AFF3: variants seen among roughly 807,000 people sequenced by gnomAD.
AFF3 encodes ALF transcription elongation factor 3, also known as AF4/FMR2 family member 3.
A neutral mutation model predicts 129.7 loss-of-function variants in AFF3; 32 were observed. The ratio of observed to expected loss-of-function variants is 0.25; its 90% confidence interval spans 0.19 to 0.33. The LOEUF is 0.33. AFF3 is among the 10% of genes least tolerant of loss of function. The pLI is 1.00. For synonymous variants in AFF3, 644 were observed against 635.4 expected, an observed-to-expected ratio of 1.01 and a Z score of -0.20; for missense variants, 1,373 against 1,592.0, an observed-to-expected ratio of 0.86 and a Z score of 2.34.
At chr2:99,596,417 A>G (rs995257703) in intron 14 of AFF3, among the ~76,000 whole-genome samples, 2 of 152,174 alleles carry the variant, frequency 1.3e-5, no homozygotes, top group Non-Finnish European at 2.9e-5. Flanking sequence ...GCAAAAATCA[A>G]TGGCTTCTAA....
At chr2:99,840,801 A>G (rs544185423) in intron 7 of AFF3, among the ~76,000 whole-genome samples, 1 of 152,262 alleles carries the variant, frequency 6.6e-6, no homozygotes, top group African/African-American at 2.4e-5. Context: ...TTATATAGGA[A>G]AGTCTCAGTC....
chr2:99,592,260 G>C (rs1487764115), intron 15 of AFF3, among the ~76,000 whole-genome samples: 1 of 152,108 alleles, frequency 6.6e-6, no homozygotes, highest in Non-Finnish European at 1.5e-5. Flanking sequence ...TCACTCCCTG[G>C]ACTCACCGCT....
At chr2:100,003,833 G>T (rs1681681200) in intron 7 of AFF3, among the ~76,000 whole-genome samples, 1 of 152,112 alleles carries the variant, frequency 6.6e-6, no homozygotes, top group African/African-American at 2.4e-5. Context: ...GGTGATGAAG[G>T]TGAGGGAATT....
intron 8 of AFF3, among the ~76,000 whole-genome samples, chr2:99,810,625 T>G (rs771264080): frequency 3.3e-5 from 5 of 150,816 alleles, no homozygotes; most frequent in Non-Finnish European, 7.3e-5. Flanking sequence ...TCTATCCACT[T>G]TAGTTCAAGT....
chr2:99,762,527 C>T (rs1682702078), intron 8 of AFF3, among the ~76,000 whole-genome samples: 1 of 152,198 alleles, frequency 6.6e-6, no homozygotes, highest in South Asian at 2.1e-4. Context: ...AGATTACAAA[C>T]TCTTCGAGGG....
At chr2:99,566,818 C>G (rs1676011838) in intron 19 of AFF3, among the ~76,000 whole-genome samples, 1 of 152,046 alleles carries the variant, frequency 6.6e-6, no homozygotes, top group South Asian at 2.1e-4. Context: ...AAATACTATT[C>G]CAAGTCTTGC....
intron 14 of AFF3, among the ~76,000 whole-genome samples, chr2:99,601,099 A>G (rs756947381): frequency 3.3e-5 from 5 of 152,182 alleles, no homozygotes; most frequent in Admixed American, 1.3e-4. Flanking sequence ...CTGTCCAGCG[A>G]CTGCCCTGGC....
intron 8 of AFF3, among the ~76,000 whole-genome samples, chr2:99,764,872 A>G (rs532685844): frequency 6.6e-6 from 1 of 152,142 alleles, no homozygotes; most frequent in Non-Finnish European, 1.5e-5. Flanking sequence ...CATGATGAGA[A>G]GCAATAATTG....
chr2:99,674,937 CAT>C (rs1421417819), intron 11 of AFF3, among the ~76,000 whole-genome samples: 1 of 152,206 alleles, frequency 6.6e-6, no homozygotes, highest in Admixed American at 6.5e-5. Flanking sequence ...TTATTTCAAA[CAT>C]GTGCTAAACG....
chr2:99,588,240 G>C (rs936457742), intron 15 of AFF3, among the ~76,000 whole-genome samples: 3 of 152,014 alleles, frequency 2.0e-5, no homozygotes, highest in Admixed American at 6.6e-5. Context: ...GCAGTGGTGC[G>C]ATCATGGCTC....
At chr2:99,605,649 C>T (rs183266786) in intron 13 of AFF3, among the ~76,000 whole-genome samples, 26 of 152,272 alleles carry the variant, frequency 1.7e-4, no homozygotes, top group East Asian at 5.8e-4. Flanking sequence ...TCCCTGCAGA[C>T]GAGTGCTAGT....
chr2:99,979,532 G>A (rs866862015), intron 7 of AFF3, among the ~76,000 whole-genome samples: 1 of 151,576 alleles, frequency 6.6e-6, no homozygotes, highest in African/African-American at 2.4e-5. Context: ...AGGCTGGAGT[G>A]CAGTGGTATA....
At chr2:100,034,533 CTT>C (rs576482125) in intron 4 of AFF3, among the ~76,000 whole-genome samples, 3 of 146,080 alleles carry the variant, frequency 2.1e-5, no homozygotes, top group African/African-American at 2.5e-5. Context: ...CTAATTTTCC[CTT>C]TTTTTTTTTA....
At chr2:99,861,307 C>T (rs1690982738) in intron 7 of AFF3, among the ~76,000 whole-genome samples, 1 of 152,156 alleles carries the variant, frequency 6.6e-6, no homozygotes, top group Non-Finnish European at 1.5e-5. Context: ...TGCAAACTTA[C>T]ATGTAGGCTC....
intron 10 of AFF3, among the ~76,000 whole-genome samples, chr2:99,735,221 T>C (rs1041750023): frequency 6.6e-6 from 1 of 152,216 alleles, no homozygotes; most frequent in South Asian, 2.1e-4. Context: ...TCACAGTTTA[T>C]TCCCTTTTTG....
intron 7 of AFF3, among the ~76,000 whole-genome samples, chr2:99,907,498 G>C (rs905799359): frequency 6.6e-6 from 1 of 151,038 alleles, no homozygotes; most frequent in African/African-American, 2.4e-5. Context: ...CATGCACCCA[G>C]ACTTGGAATT....
chr2:99,888,053 G>A (rs893095690), intron 7 of AFF3, among the ~76,000 whole-genome samples: 4 of 152,158 alleles, frequency 2.6e-5, no homozygotes, highest in Admixed American at 2.6e-4. Context: ...CTTCAGAAAC[G>A]CTGTCATAGT....
rs542833809 is a variant in AFF3 at position 99,881,590 on chromosome 2, G to GA, written c.874-44067dup. On this transcript the variant is annotated intron_variant, in intron 7 of 24. Coordinates refer to ENST00000672756, the MANE Select transcript of AFF3 (RefSeq NM_001386135.1). ...TACTATGGGATTGGTGATTTGAAAA[G>GA]AAAAAAAAAATCGCATTTTAAAATG... is the stretch of plus-strand genomic sequence containing the variant. Among the ~76,000 whole-genome samples the GA allele has an allele frequency of 7.4e-3, 1,099 of 149,116 alleles. 5 individuals carry two copies. Among genetic ancestry groups the GA allele is most frequent in the Admixed American group, 0.017 (256 of 14,968 alleles).
chr2:100,058,557 A>G (rs1453643161), intron 4 of AFF3, among the ~76,000 whole-genome samples: 1 of 152,218 alleles, frequency 6.6e-6, no homozygotes, highest in Non-Finnish European at 1.5e-5. Context: ...GGGACTCAGT[A>G]TCCGAAGTCT....
Sources: allele counts gnomAD v4.1 joint callset (sites outside exome capture counted in the v4.1 genomes callset), GRCh38; gene constraint gnomAD v4.1.1; transcripts MANE v1.5; gene names NCBI Gene and HGNC (gene_info 2026-07-23, HGNC 2026-07-21).